The following ZFHX3 variants were observed in gnomAD, a reference collection of about 807,000 sequenced individuals.
ZFHX3 encodes zinc finger homeobox 3.
A neutral mutation model predicts 279.1 loss-of-function variants in ZFHX3; 42 were observed. The ratio of observed to expected loss-of-function variants is 0.15; its 90% CI spans 0.12 to 0.19. ZFHX3 has a LOEUF of 0.19. Ranked by LOEUF, ZFHX3 falls within the 10% of genes least tolerant of loss-of-function variation. ZFHX3 has a pLI of 1.00. For synonymous variants in ZFHX3, 2,293 were observed against 1,957.8 expected (o/e 1.17, Z -4.52); for missense variants, 4,981 against 4,754.0 (o/e 1.05, Z -1.40).
chr16:73,745,969 T>G (rs2053699675), intron 1 of ZFHX3, among the ~76,000 whole-genome samples: 1 of 152,202 alleles, frequency 6.6e-6, no homozygotes. Flanking sequence ...CTCTCATACT[T>G]TCTGAATGAA....
rs144747744 is a variant in ZFHX3, at chr16:73,576,718, A to T, written c.-1547+103462T>A. On this transcript the variant is annotated intron_variant, in intron 2 of 17. Coordinates refer to the ZFHX3 transcript ENST00000641206. ...ATTAAAAAAACAAAAACAAAAACAAAAACAAAAAACCTTCTATTTTAGGTT... is the reference window on the plus strand; with the variant it reads ...ATTAAAAAAACAAAAACAAAAACAATAACAAAAAACCTTCTATTTTAGGTT... 4.6e-3 allele frequency among the ~76,000 whole-genome samples: 693 copies of T among 151,958 alleles called. 17 individuals carry two copies. Among genetic ancestry groups the T allele is most frequent in the East Asian group, 0.032 (166 of 5,170 alleles).
At chr16:73,687,672 T>A (rs996258596) in intron 1 of ZFHX3, among the ~76,000 whole-genome samples, 1 of 151,604 alleles carries the variant, frequency 6.6e-6, no homozygotes, top group South Asian at 2.1e-4. Flanking sequence ...TGAAACCCCG[T>A]CTCTGCTAAA....
intron 3 of ZFHX3, among the ~76,000 whole-genome samples, chr16:73,417,599 G>A (rs1482513859): frequency 6.6e-6 from 1 of 151,166 alleles, no homozygotes; most frequent in Non-Finnish European, 1.5e-5. Flanking sequence ...GTTGGGTGAG[G>A]AATACACAGA....
At position 73,295,372 on chromosome 16, in the gene ZFHX3, C is replaced by T. The variant is rs561021313; in HGVS notation, c.-1194+22868G>A. ...CACTGTTTAGTGTTAGAAAACGAAA[C>T]TTGGTAGTGGCTGGGCATTTGCTGG... On this transcript the variant is annotated intron_variant, in intron 4 of 17. Coordinates refer to the ZFHX3 transcript ENST00000641206. Among the ~76,000 whole-genome samples the T allele has an allele frequency of 7.2e-5, 11 of 152,322 alleles. No individual in the cohort carries two copies. In the East Asian group the frequency reaches 2.1e-3, roughly 29 times the overall value.
intron 3 of ZFHX3, among the ~76,000 whole-genome samples, chr16:73,376,872 A>G (rs995319778): frequency 6.6e-6 from 1 of 152,180 alleles, no homozygotes; most frequent in Non-Finnish European, 1.5e-5. Flanking sequence ...CTAAGCTGCC[A>G]ATATATTATG....
chr16:73,132,330 G>A (rs1390733051), intron 6 of ZFHX3, among the ~76,000 whole-genome samples: 1 of 152,104 alleles, frequency 6.6e-6, no homozygotes, highest in Non-Finnish European at 1.5e-5. Context: ...TTAAAACTTT[G>A]ATTTAGAGAG....
intron 1 of ZFHX3, among the ~76,000 whole-genome samples, chr16:73,776,343 A>T (rs1235362980): frequency 1.3e-5 from 2 of 152,110 alleles, no homozygotes; most frequent in Non-Finnish European, 2.9e-5. Context: ...TTCCGTAATT[A>T]ATTTCAGACA....
chr16:73,560,839 G>C (rs1010799351), intron 2 of ZFHX3, among the ~76,000 whole-genome samples: 46 of 152,316 alleles, frequency 3.0e-4, no homozygotes, highest in African/African-American at 1.1e-3. Context: ...GTCAAAGACA[G>C]GCCGAGTTAA....
chr16:73,044,229 T>C (rs1965214947), intron 1 of ZFHX3, among the ~76,000 whole-genome samples: 1 of 152,166 alleles, frequency 6.6e-6, no homozygotes, highest in South Asian at 2.1e-4. Flanking sequence ...CAAATTCTCA[T>C]ACCAGAGCAT....
chr16:73,870,650 T>C (rs928931744), intron 1 of ZFHX3, among the ~76,000 whole-genome samples: 2 of 152,180 alleles, frequency 1.3e-5, no homozygotes, highest in African/African-American at 4.8e-5. Context: ...AAAAAGTCAC[T>C]CAGAGGAAAG....
intron 3 of ZFHX3, among the ~76,000 whole-genome samples, chr16:72,909,949 G>A (rs1184645871): frequency 6.6e-6 from 1 of 150,460 alleles, no homozygotes; most frequent in South Asian, 2.1e-4. Context: ...CTGTTTCAAC[G>A]TGAAAGTCAA....
chr16:73,418,864 C>G (rs553091687), intron 3 of ZFHX3, among the ~76,000 whole-genome samples: 1 of 152,200 alleles, frequency 6.6e-6, no homozygotes, highest in African/African-American at 2.4e-5. Context: ...TACTTTTTCA[C>G]GTCCTCCCTG....
rs2053971195 is a variant in ZFHX3 at position 73,767,986 on chromosome 16, A to G, written c.-1607-87746T>C. 2.0e-5 allele frequency among the ~76,000 whole-genome samples: 3 copies of G among 152,210 alleles called. No individual in the cohort carries two copies. The South Asian group carries it at 6.2e-4, about 32-fold the overall frequency. Reference sequence around the variant, plus strand: ...AAACGTAGGGAGCTTTTACATCCCTAGATCTGAAGAGGCATGGCACACGGG... The same window carrying G: ...AAACGTAGGGAGCTTTTACATCCCTGGATCTGAAGAGGCATGGCACACGGG... On this transcript the variant is annotated intron_variant, in intron 1 of 17. Coordinates refer to the ZFHX3 transcript ENST00000641206.
chr16:73,883,990 A>G (rs947787246), intron 1 of ZFHX3, among the ~76,000 whole-genome samples: 1 of 152,166 alleles, frequency 6.6e-6, no homozygotes, highest in Non-Finnish European at 1.5e-5. Flanking sequence ...TTTTTCTTAT[A>G]ATTGAACAAG....
intron 1 of ZFHX3, among the ~76,000 whole-genome samples, chr16:73,007,406 C>T (rs1342152041): frequency 6.6e-6 from 1 of 152,178 alleles, no homozygotes; most frequent in Admixed American, 6.5e-5. Flanking sequence ...AATAACTTAT[C>T]CTTTAAACTT....
At chr16:73,757,059 G>A (rs376805430) in intron 1 of ZFHX3, among the ~76,000 whole-genome samples, 1 of 152,110 alleles carries the variant, frequency 6.6e-6, no homozygotes, top group Non-Finnish European at 1.5e-5. Flanking sequence ...AACAAACGTG[G>A]GCTTACAGAT....
rs1012270816 is a variant in ZFHX3 at position 73,092,680 on chromosome 16, G to A, written c.-533+555C>T. On this transcript the variant is annotated intron_variant, in intron 8 of 17. Transcript: ENST00000641206. ...GCTCCCACTCCCGGGACACACACGC[G>A]GGCTGGCTTACACATGCTCTTGCTC... is the stretch of plus-strand genomic sequence containing the variant. 1.4e-5 allele frequency: 4 copies of A among 281,296 alleles called. No homozygotes were observed. In the East Asian group the frequency reaches 2.9e-4, roughly 20 times the overall value. The allele number at this position is 281,296 out of a possible 1,614,324, so 17.4% of individuals were successfully genotyped here. A position where few individuals can be genotyped will look rare whatever the true frequency, so the allele number is the denominator to read the frequency against.
At chr16:73,097,105 G>T (rs1966173650) in intron 7 of ZFHX3, among the ~76,000 whole-genome samples, 1 of 151,964 alleles carries the variant, frequency 6.6e-6, no homozygotes, top group African/African-American at 2.4e-5. Context: ...CCAGGCTGGA[G>T]TGCAGTGGCA....
rs1161489098 is a variant in ZFHX3 at position 73,681,227 on chromosome 16, G to C, written c.-1607-987C>G. Among the ~76,000 whole-genome samples the C allele has an allele frequency of 2.6e-5, 4 of 152,304 alleles. No homozygotes were observed. In the East Asian group the frequency reaches 5.8e-4, roughly 22 times the overall value. On this transcript the variant is annotated intron_variant, in intron 1 of 17. Coordinates refer to the ZFHX3 transcript ENST00000641206. ...AAACAAATTAAGGCAACATGGGAGA[G>C]AAAGGCATTTTAATAGGTGACAATT...
Sources: allele counts gnomAD v4.1 joint callset (sites outside exome capture counted in the v4.1 genomes callset), GRCh38; gene constraint gnomAD v4.1.1; transcripts MANE v1.5; gene names NCBI Gene and HGNC (gene_info 2026-07-23, HGNC 2026-07-21).